R3HDM1: variants seen among roughly 807,000 people sequenced by gnomAD.
R3HDM1 encodes R3H domain-containing protein 1.
R3HDM1 carries 46 observed loss-of-function variants against 141.1 expected under a neutral mutation model. The observed-to-expected ratio is 0.33, with a 90% confidence interval of 0.26 to 0.42. The LOEUF (loss-of-function observed/expected upper bound fraction) is 0.42. Ranked by LOEUF, R3HDM1 falls within the 10% of genes least tolerant of loss-of-function variation. The pLI is 1.00. For synonymous variants in R3HDM1, 435 were observed against 472.9 expected (o/e 0.92, Z 1.04); for missense variants, 1,184 against 1,368.3 (o/e 0.87, Z 2.12).
intron 1 of R3HDM1, among the ~76,000 whole-genome samples, chr2:135,536,085 T>C (rs1696036144): frequency 6.6e-6 from 1 of 152,212 alleles, no homozygotes; most frequent in South Asian, 2.1e-4. Flanking sequence ...TCCAAATTTC[T>C]ACCTGTCAGC....
intron 9 of R3HDM1, among the ~76,000 whole-genome samples, chr2:135,632,403 C>T (rs1574527427): frequency 6.6e-6 from 1 of 151,594 alleles, no homozygotes; most frequent in Non-Finnish European, 1.5e-5. Flanking sequence ...AATCTTCTGT[C>T]AGTTTACCGT....
At chr2:135,582,078 A>G (rs995839356) in intron 1 of R3HDM1, among the ~76,000 whole-genome samples, 4 of 152,156 alleles carry the variant, frequency 2.6e-5, no homozygotes, top group African/African-American at 7.2e-5. Flanking sequence ...CTGTAATCCT[A>G]GCACTTTGGG....
chr2:135,540,073 C>T (rs1195122961), intron 1 of R3HDM1, among the ~76,000 whole-genome samples: 1 of 152,216 alleles, frequency 6.6e-6, no homozygotes, highest in Non-Finnish European at 1.5e-5. Flanking sequence ...GTGTAATATT[C>T]TAAATCCTTT....
chr2:135,702,217 G>A (rs796930029), intron 21 of R3HDM1, among the ~76,000 whole-genome samples: 5 of 120,854 alleles, frequency 4.1e-5, no homozygotes, highest in East Asian at 3.3e-4. Flanking sequence ...GTCTCAGGGG[G>A]AAAAAAAAAA....
chr2:135,702,554 C>T (rs1339578015), intron 21 of R3HDM1, among the ~76,000 whole-genome samples: 1 of 149,798 alleles, frequency 6.7e-6, no homozygotes, highest in East Asian at 2.0e-4. Context: ...CCAGCTACAG[C>T]AGGAAAATGG....
intron 21 of R3HDM1, among the ~76,000 whole-genome samples, chr2:135,702,844 C>G (rs2074419000): frequency 6.6e-6 from 1 of 152,000 alleles, no homozygotes; most frequent in Admixed American, 6.6e-5. Flanking sequence ...AAAGAGATCT[C>G]AGTCTAGGAA....
rs538312684 is a variant in R3HDM1 at position 135,690,464 on chromosome 2, A to C, written c.2459+10140A>C. Among the ~76,000 whole-genome samples, 4 of 152,308 alleles carry C rather than the reference A, an allele frequency of 2.6e-5. No homozygotes were observed. The South Asian group carries it at 8.3e-4, about 32-fold the overall frequency. On this transcript the variant is annotated intron_variant, in intron 21 of 26. Transcript: ENST00000683871. ...AGATAAATATTGTATTATACACTTA[A>C]AACTCTGTGAGGATAGATCTTGTGT...
chr2:135,616,090 A>C (rs1315652320), intron 3 of R3HDM1, 62 bp from the exon 4 acceptor site: 6 of 1,520,734 alleles, frequency 3.9e-6, no homozygotes, highest in Non-Finnish European at 5.5e-6. Flanking sequence ...AGGACTATGA[A>C]TTAAGAAGCA....
intron 19 of R3HDM1, among the ~76,000 whole-genome samples, chr2:135,671,289 G>A (rs1380740396): frequency 6.6e-6 from 1 of 151,602 alleles, no homozygotes; most frequent in Non-Finnish European, 1.5e-5. Context: ...TGTATTCGTG[G>A]GAGTGTCATT....
intron 1 of R3HDM1, among the ~76,000 whole-genome samples, chr2:135,554,914 A>G (rs544374266): frequency 5.3e-5 from 8 of 152,314 alleles, no homozygotes; most frequent in South Asian, 2.1e-4. Flanking sequence ...AAACTACTAC[A>G]TAAGTGGTCC....
intron 1 of R3HDM1, among the ~76,000 whole-genome samples, chr2:135,573,486 T>C (rs1158521084): frequency 6.6e-6 from 1 of 151,318 alleles, no homozygotes; most frequent in Non-Finnish European, 1.5e-5. Flanking sequence ...CTTAACGTTA[T>C]CTAAATGTTC....
intron 5 of R3HDM1, chr2:135,620,404 T>G: frequency 1.2e-6 from 1 of 854,920 alleles, no homozygotes; most frequent in Non-Finnish European, 1.4e-6. Context: ...TTGATGAGTG[T>G]AAGGAAGTTG....
chr2:135,692,585 C>T (rs749788622), intron 21 of R3HDM1, among the ~76,000 whole-genome samples: 10 of 151,916 alleles, frequency 6.6e-5, no homozygotes, highest in African/African-American at 9.7e-5. Flanking sequence ...GAGCAAGACT[C>T]GGTCTCAAAA....
chr2:135,641,507 A>C, intron 14 of R3HDM1, 29 bp from the exon 15 acceptor site: 1 of 1,567,030 alleles, frequency 6.4e-7, no homozygotes, highest in Non-Finnish European at 8.6e-7. Context: ...GGTTTAAAAA[A>C]TCCATATTTT....
intron 1 of R3HDM1, chr2:135,566,742 G>T: frequency 6.1e-6 from 6 of 985,292 alleles, no homozygotes; most frequent in African/African-American, 1.7e-5. Context: ...TCTAGGGAAG[G>T]AAATGATCAA....
In R3HDM1 at chr2:135,597,354, G is replaced by A. The variant is rs189538529; in HGVS notation, c.-249-5146G>A. 6.0e-6 allele frequency: 5 copies of A among 830,226 alleles called. No homozygotes were observed. In the Admixed American group the frequency reaches 2.5e-4, roughly 41 times the overall value. 51.4% of individuals were successfully genotyped at this position (830,226 alleles called of 1,614,324 possible). A position where few individuals can be genotyped will look rare whatever the true frequency, so the allele number is the denominator to read the frequency against. ...GTTATTTGGTAAATTTTTGTTAAAT[G>A]ACAGTAACTGTTTACAAATCACATG... On this transcript the variant is annotated intron_variant, in intron 1 of 26. Transcript: ENST00000683871.
intron 1 of R3HDM1, 192 bp downstream of exon 1, chr2:135,531,825 C>G: frequency 1.0e-6 from 1 of 985,374 alleles, no homozygotes; most frequent in Non-Finnish European, 1.2e-6. Context: ...CCGCTGCTGC[C>G]AGCCCGCCGT....
chr2:135,550,665 CT>C (rs1699667975), intron 1 of R3HDM1, among the ~76,000 whole-genome samples: 1 of 152,188 alleles, frequency 6.6e-6, no homozygotes, highest in African/African-American at 2.4e-5. Flanking sequence ...AGATATACCT[CT>C]GCTCATGACT....
intron 16 of R3HDM1, chr2:135,649,068 T>G (rs1049609434): frequency 8.7e-5 from 11 of 126,846 alleles, no homozygotes; most frequent in African/African-American, 2.8e-4. Context: ...TATATTTGGG[T>G]TTTTTTTTTT....
Sources: allele counts gnomAD v4.1 joint callset (sites outside exome capture counted in the v4.1 genomes callset), GRCh38; gene constraint gnomAD v4.1.1; transcripts MANE v1.5; gene names NCBI Gene and HGNC (gene_info 2026-07-23, HGNC 2026-07-21).